Variants in PITPNM3 observed in about 807,000 individuals in gnomAD.
The protein encoded by PITPNM3 is PITPNM family member 3, also known as membrane-associated phosphatidylinositol transfer protein 3.
PITPNM3 carries 26 observed loss-of-function variants against 102.0 expected under a neutral mutation model. The ratio of observed to expected loss-of-function variants is 0.25; its 90% CI spans 0.19 to 0.35. PITPNM3 has a LOEUF of 0.35. Ranked by LOEUF, PITPNM3 falls within the 10% of genes least tolerant of loss-of-function variation. The probability of loss-of-function intolerance (pLI) is 1.00; values close to 1 mark genes in which losing one functional copy is unlikely to be tolerated. For synonymous variants in PITPNM3, 578 were observed against 558.6 expected (o/e 1.03, Z -0.49); for missense variants, 1,083 against 1,346.1 (o/e 0.80, Z 3.06).
intron 4 of PITPNM3, among the ~76,000 whole-genome samples, chr17:6,485,833 C>G (rs997146218): frequency 2.6e-5 from 4 of 152,224 alleles, no homozygotes; most frequent in Non-Finnish European, 5.9e-5. Context: ...TGGACCAAAT[C>G]TGCCCCACTG....
chr17:6,534,002 G>C (rs4796511), intron 2 of PITPNM3, among the ~76,000 whole-genome samples: 2 of 151,634 alleles, frequency 1.3e-5, no homozygotes, highest in Non-Finnish European at 2.9e-5. Context: ...CCCAGCCTCC[G>C]TTTCCCAGCT....
intron 1 of PITPNM3, among the ~76,000 whole-genome samples, chr17:6,548,481 C>CG (rs1376489210): frequency 6.6e-6 from 1 of 152,032 alleles, no homozygotes; most frequent in African/African-American, 2.4e-5. Flanking sequence ...ACTAGCCTCA[C>CG]GGGGGGCAGG....
intron 1 of PITPNM3, among the ~76,000 whole-genome samples, chr17:6,549,078 G>A (rs1910176160): frequency 1.3e-5 from 2 of 152,144 alleles, no homozygotes; most frequent in South Asian, 4.2e-4. Flanking sequence ...TCCCCTGGTA[G>A]GTGGTTCACT....
At position 6,556,526 on chromosome 17, in the gene PITPNM3, G is replaced by T; in HGVS notation, c.-120C>A. The T allele has an allele frequency of 3.1e-6, 2 of 636,278 alleles. No homozygotes were observed. The highest frequency in any genetic ancestry group is 3.9e-6 in the Non-Finnish European group (2 of 516,716). The allele number at this position is 636,278 out of a possible 1,614,324, so 39.4% of individuals were successfully genotyped here. On this transcript the variant is annotated 5_prime_UTR_variant, in exon 1 of 20. Coordinates refer to ENST00000262483, the MANE Select transcript of PITPNM3 (RefSeq NM_031220.4). This position sits in a 1 kb window ranked among gnomAD's most constrained non-coding sequence, Gnocchi z 5.2. ...CCGCGCCCGCGCCCCCGCCCCGCTC[G>T]CCTCGGCTGCCGCCACCGCAGCCGC...
intron 1 of PITPNM3, among the ~76,000 whole-genome samples, chr17:6,546,015 G>T (rs1327113162): frequency 6.6e-6 from 1 of 152,348 alleles, no homozygotes; most frequent in Non-Finnish European, 1.5e-5. Flanking sequence ...ATGTCCTCAG[G>T]CTTCCTCTCT....
chr17:6,478,974 T>G lies in PITPNM3; in HGVS notation c.588-238A>C. Reference sequence around the variant, plus strand: ...GTCCTTCCCGTGCTGGCCATGGGTGTGGGCCCTGGGGTCCCTGTGACTGCA... The same window carrying G: ...GTCCTTCCCGTGCTGGCCATGGGTGGGGGCCCTGGGGTCCCTGTGACTGCA... On this transcript the variant is annotated intron_variant, in intron 6 of 19. Transcript: ENST00000262483. The surrounding 1 kb of genome is among the most constrained non-coding windows in gnomAD (Gnocchi z 4.4). 3.5e-6 allele frequency: 2 copies of G among 571,378 alleles called. No individual in the cohort carries two copies. The highest frequency in any genetic ancestry group is 4.5e-5 in the South Asian group (2 of 44,750). The allele number at this position is 571,378 out of a possible 1,614,324, so 35.4% of individuals were successfully genotyped here.
chr17:6,470,535 AC>A lies in PITPNM3; in HGVS notation c.1625-128del. On this transcript the variant is annotated intron_variant, in intron 12 of 19. Transcript: ENST00000262483. The surrounding 1 kb of genome is among the most constrained non-coding windows in gnomAD (Gnocchi z 4.8). ...GTGGGGCACGGGTTTGGGCGGGAGC[AC>A]CCTGGCCTGGAGGAGGCCTGGGGAA... The A allele has an allele frequency of 1.5e-6, 2 of 1,292,584 alleles. No homozygotes were observed. The highest frequency in any genetic ancestry group is 2.2e-6 in the Non-Finnish European group (2 of 907,800). The allele number at this position is 1,292,584 out of a possible 1,614,324, so 80.1% of individuals were successfully genotyped here.
chr17:6,509,602 A>AGATCT (rs367702405), intron 3 of PITPNM3, among the ~76,000 whole-genome samples: 1 of 151,372 alleles, frequency 6.6e-6, no homozygotes, highest in Middle Eastern at 3.3e-3. Context: ...TGAGGAGCGA[A>AGATCT]GACCTGCATG....
At chr17:6,489,224 C>A (rs1906280650) in intron 4 of PITPNM3, among the ~76,000 whole-genome samples, 1 of 152,208 alleles carries the variant, frequency 6.6e-6, no homozygotes, top group African/African-American at 2.4e-5. Context: ...AGCTGTCTCC[C>A]TCTCTCTTGC....
intron 4 of PITPNM3, among the ~76,000 whole-genome samples, chr17:6,500,586 T>C (rs1462395155): frequency 6.6e-6 from 1 of 152,220 alleles, no homozygotes; most frequent in African/African-American, 2.4e-5. Context: ...TGGGTTCATT[T>C]GGGCATCCCC....
intron 3 of PITPNM3, among the ~76,000 whole-genome samples, chr17:6,521,798 G>A (rs907879029): frequency 6.6e-6 from 1 of 152,136 alleles, no homozygotes; most frequent in Non-Finnish European, 1.5e-5. Context: ...AAAGAAAGAG[G>A]CTCCAGGGCC....
intron 4 of PITPNM3, among the ~76,000 whole-genome samples, chr17:6,491,909 C>T (rs1444151721): frequency 1.9e-5 from 2 of 103,578 alleles, no homozygotes; most frequent in African/African-American, 4.7e-5. Flanking sequence ...GGCGCCATGG[C>T]TCACAACTGT....
In PITPNM3 at chr17:6,452,210, AAG is replaced by A. The variant is rs1223143027; in HGVS notation, c.*3126_*3127del. On this transcript the variant is annotated 3_prime_UTR_variant, in exon 20 of 20. Transcript: ENST00000262483. ...ATGAAAGGAGTCTGCTTTTTTAAAA[AAG>A]AAATATTTTATGGAGCCCAAGGGAG... 5.3e-5 allele frequency: 8 copies of A among 152,184 alleles called. No homozygotes were observed. The highest frequency in any genetic ancestry group is 7.3e-5 in the Non-Finnish European group (5 of 68,036). 9.4% of individuals were successfully genotyped at this position (152,184 alleles called of 1,614,324 possible). A position where few individuals can be genotyped will look rare whatever the true frequency, so the allele number is the denominator to read the frequency against.
At chr17:6,489,464 C>A (rs547282674) in intron 4 of PITPNM3, among the ~76,000 whole-genome samples, 15 of 148,288 alleles carry the variant, frequency 1.0e-4, no homozygotes, top group Middle Eastern at 3.6e-3. Flanking sequence ...TGGGTGGAAA[C>A]ATAAGGTTTT....
chr17:6,548,088 A>G lies in PITPNM3; in HGVS notation c.22+8297T>C, dbSNP rs1910121396. Among the ~76,000 whole-genome samples, 3 of 152,226 alleles carry G rather than the reference A, an allele frequency of 2.0e-5. No homozygotes were observed. The South Asian group carries it at 6.2e-4, about 32-fold the overall frequency. On this transcript the variant is annotated intron_variant, in intron 1 of 19. Transcript: ENST00000262483. ...GACCAGCTTTTTGGGAAGTGCATCA[A>G]AGGCTGCCATTAGCCTGGAGCAAAC...
At chr17:6,460,397 C>T (rs1005256442) in intron 18 of PITPNM3, among the ~76,000 whole-genome samples, 6 of 152,216 alleles carry the variant, frequency 3.9e-5, no homozygotes, top group African/African-American at 1.4e-4. Context: ...AACCACACAC[C>T]AGTAGTTGTC....
Position 6,455,310 on chromosome 17 carries a change from G to T in PITPNM3, c.*28C>A. On this transcript the variant is annotated 3_prime_UTR_variant, in exon 20 of 20. Coordinates refer to ENST00000262483, the MANE Select transcript of PITPNM3 (RefSeq NM_031220.4). ...CGCAGGCAGCCTGATTGGGCCCCCC[G>T]CTCCCTGCTCTGAGCACAGCCCACC... is the stretch of plus-strand genomic sequence containing the variant. 2 of 1,541,342 alleles carry T rather than the reference G, an allele frequency of 1.3e-6. No homozygotes were observed. Among genetic ancestry groups the T allele is most frequent in the South Asian group, 1.2e-5 (1 of 80,212 alleles).
intron 3 of PITPNM3, among the ~76,000 whole-genome samples, chr17:6,507,639 A>G (rs1006439212): frequency 6.6e-6 from 1 of 151,886 alleles, no homozygotes; most frequent in Non-Finnish European, 1.5e-5. Flanking sequence ...TTCGGACTTC[A>G]GAACAGCAAA....
chr17:6,503,637 CAGGG>C, intron 3 of PITPNM3, 63 bp from the exon 4 acceptor site: 1 of 1,561,532 alleles, frequency 6.4e-7, no homozygotes, highest in South Asian at 1.1e-5. Context: ...CTGTGTTTCC[CAGGG>C]AGGCTGCTTG....
Sources: allele counts gnomAD v4.1 joint callset (sites outside exome capture counted in the v4.1 genomes callset), GRCh38; gene constraint gnomAD v4.1.1; non-coding constraint Gnocchi (gnomAD v3.1); transcripts MANE v1.5; gene names NCBI Gene and HGNC (gene_info 2026-07-23, HGNC 2026-07-21).